NEDD4L: variants seen among roughly 807,000 people sequenced by gnomAD.
NEDD4L encodes NEDD4 like E3 ubiquitin protein ligase, also known as E3 ubiquitin-protein ligase NEDD4-like.
NEDD4L carries 54 observed loss-of-function variants against 148.9 expected under a neutral mutation model. The ratio of observed to expected loss-of-function variants is 0.36; its 90% confidence interval spans 0.29 to 0.45. NEDD4L has a LOEUF of 0.45. Among genes scored for constraint, NEDD4L ranks in the 20% least tolerant of loss-of-function variants. The pLI is 1.00. For synonymous variants in NEDD4L, 433 were observed against 440.7 expected (o/e 0.98, Z 0.22); for missense variants, 856 against 1,233.8 (o/e 0.69, Z 4.59).
chr18:58,270,998 A>C (rs189039422), intron 5 of NEDD4L, among the ~76,000 whole-genome samples: 472 of 152,244 alleles, frequency 3.1e-3, no homozygotes, highest in Non-Finnish European at 5.9e-3. Context: ...AGATTTTTGT[A>C]AGATTTGGAT....
At chr18:58,247,731 C>T (rs556719177) in intron 3 of NEDD4L, 3 of 152,478 alleles carry the variant, frequency 2.0e-5, no homozygotes, top group Non-Finnish European at 4.4e-5. Flanking sequence ...TGTCTTGTTG[C>T]TTTCCTCGCC....
intron 16 of NEDD4L, among the ~76,000 whole-genome samples, chr18:58,347,221 C>CCCCCA (rs2043207008): frequency 1.1e-5 from 1 of 94,256 alleles, no homozygotes; most frequent in Non-Finnish European, 2.2e-5. Flanking sequence ...CCCGCCCCCC[C>CCCCCA]CCCCCCTTTA....
chr18:58,276,898 A>G (rs1477165241), intron 5 of NEDD4L, among the ~76,000 whole-genome samples: 3 of 151,700 alleles, frequency 2.0e-5, no homozygotes, highest in African/African-American at 7.3e-5. Context: ...ACGAGCCTTG[A>G]TATAATTGTG....
chr18:58,254,845 A>G (rs1011810485), intron 5 of NEDD4L, among the ~76,000 whole-genome samples: 6 of 152,114 alleles, frequency 3.9e-5, no homozygotes, highest in African/African-American at 1.2e-4. Context: ...CCTCCCCTCC[A>G]CTTAGCTATT....
chr18:58,300,416 C>G (rs1702826974), intron 5 of NEDD4L, among the ~76,000 whole-genome samples: 2 of 152,210 alleles, frequency 1.3e-5, no homozygotes, highest in South Asian at 4.1e-4. Flanking sequence ...GTGCACAAGT[C>G]TTCTCCCAGG....
chr18:58,080,603 T>C (rs1212058620), intron 1 of NEDD4L, among the ~76,000 whole-genome samples: 1 of 152,204 alleles, frequency 6.6e-6, no homozygotes, highest in Non-Finnish European at 1.5e-5. Context: ...AAGGCAAATG[T>C]ACTTCATTCC....
chr18:58,264,939 C>T (rs1035448748), intron 5 of NEDD4L, among the ~76,000 whole-genome samples: 2 of 152,024 alleles, frequency 1.3e-5, no homozygotes, highest in Non-Finnish European at 2.9e-5. Context: ...CATATAAATA[C>T]TTAGGGAGCT....
intron 5 of NEDD4L, among the ~76,000 whole-genome samples, chr18:58,296,487 C>T (rs1164406068): frequency 6.6e-6 from 1 of 152,236 alleles, no homozygotes; most frequent in Non-Finnish European, 1.5e-5. Context: ...CGCAGGGCTG[C>T]GCTCCCTCCA....
intron 1 of NEDD4L, among the ~76,000 whole-genome samples, chr18:58,061,856 T>C (rs143181406): frequency 2.0e-5 from 3 of 152,176 alleles, no homozygotes; most frequent in Non-Finnish European, 2.9e-5. Context: ...TTTGTTTTAG[T>C]TGAGAATGAT....
chr18:58,248,976 C>G, intron 4 of NEDD4L, 39 bp downstream of exon 4: 2 of 1,004,334 alleles, frequency 2.0e-6, no homozygotes, highest in Non-Finnish European at 3.0e-6. Flanking sequence ...GTTATTGATA[C>G]GTCTAGGTCG....
At chr18:58,087,292 C>G (rs764667886) in intron 1 of NEDD4L, among the ~76,000 whole-genome samples, 43 of 152,188 alleles carry the variant, frequency 2.8e-4, no homozygotes, top group Non-Finnish European at 5.1e-4. Flanking sequence ...TAACAAAGAT[C>G]TCCTTTTCCA....
chr18:58,343,059 G>T lies in NEDD4L; in HGVS notation c.1531G>T (p.Gly511Cys). Reference sequence around the variant, plus strand: ...CTGGGAAATGAGGATAGCGCCAAACGGCCGGCCCTTCTTCATTGATCATAA... The same window carrying T: ...CTGGGAAATGAGGATAGCGCCAAACTGCCGGCCCTTCTTCATTGATCATAA... Reference protein sequence around the residue: ...PGWEMRIAPNGRPFFIDHNTK... With the variant: ...PGWEMRIAPNCRPFFIDHNTK... Residue 511 changes from glycine (G) to cysteine (C), a missense_variant, in exon 16 of 31, where the codon GGC becomes TGC. Physicochemically the swap from Gly to Cys is radical, Grantham distance 159. Transcript: ENST00000400345. 1 of 1,611,974 alleles carries T rather than the reference G, an allele frequency of 6.2e-7. No individual in the cohort carries two copies. Among genetic ancestry groups the T allele is most frequent in the South Asian group, 1.1e-5 (1 of 90,570 alleles).
At chr18:58,069,904 G>A (rs1049061393) in intron 1 of NEDD4L, among the ~76,000 whole-genome samples, 24 of 152,086 alleles carry the variant, frequency 1.6e-4, no homozygotes, top group African/African-American at 4.6e-4. Context: ...TCCCATTCCC[G>A]GCCCCTGACC....
intron 5 of NEDD4L, among the ~76,000 whole-genome samples, chr18:58,281,666 AAG>A: frequency 6.6e-6 from 1 of 152,252 alleles, no homozygotes; most frequent in Non-Finnish European, 1.5e-5. Flanking sequence ...AAAAAGAAAA[AAG>A]AAAAAAAAAC....
intron 2 of NEDD4L, among the ~76,000 whole-genome samples, chr18:58,169,011 G>A (rs1021409661): frequency 3.9e-5 from 6 of 152,182 alleles, no homozygotes; most frequent in Admixed American, 2.6e-4. Flanking sequence ...TTGCCCTTCC[G>A]AGGTGGTGAT....
chr18:58,332,302 A>G (rs2041092622), intron 11 of NEDD4L, among the ~76,000 whole-genome samples: 1 of 152,242 alleles, frequency 6.6e-6, no homozygotes, highest in Non-Finnish European at 1.5e-5. Flanking sequence ...CTGTTAAATG[A>G]GAGTCAAATC....
At chr18:58,174,758 C>T (rs988638805) in intron 2 of NEDD4L, among the ~76,000 whole-genome samples, 1 of 152,164 alleles carries the variant, frequency 6.6e-6, no homozygotes, top group African/African-American at 2.4e-5. Flanking sequence ...GGGGCAGTCT[C>T]ATCCCTCCAC....
At chr18:58,112,396 ATTTAT>A (rs1168986662) in intron 1 of NEDD4L, among the ~76,000 whole-genome samples, 1 of 129,804 alleles carries the variant, frequency 7.7e-6, no homozygotes, top group East Asian at 2.0e-4. Flanking sequence ...TTATTTATTT[ATTTAT>A]TTATTTATTT....
intron 5 of NEDD4L, among the ~76,000 whole-genome samples, chr18:58,294,540 T>C (rs1241706291): frequency 1.3e-5 from 2 of 152,228 alleles, no homozygotes; most frequent in South Asian, 2.1e-4. Flanking sequence ...GTGATTTTTC[T>C]TCCACAAATA....
Sources: allele counts gnomAD v4.1 joint callset (sites outside exome capture counted in the v4.1 genomes callset), GRCh38; gene constraint gnomAD v4.1.1; transcripts MANE v1.5; gene names NCBI Gene and HGNC (gene_info 2026-07-23, HGNC 2026-07-21).